Variants in CAST observed in about 807,000 individuals in gnomAD.
CAST encodes the protein MIR583 host.
Under a neutral mutation model 119.6 loss-of-function variants are expected in CAST, and 76 were observed. The observed-to-expected ratio is 0.64, with a 90% CI of 0.53 to 0.77. The LOEUF is 0.77. CAST is among the 30% of genes least tolerant of loss of function. The pLI, the probability that CAST is intolerant of heterozygous loss-of-function variation, is 0.00. For missense variants in CAST, 953 were observed against 946.5 expected (o/e 1.01, Z -0.09); for synonymous variants, 319 against 331.6 (o/e 0.96, Z 0.41).
chr5:96,566,421 T>C (rs1004242845), intron 1 of CAST, among the ~76,000 whole-genome samples: 2 of 152,240 alleles, frequency 1.3e-5, no homozygotes, highest in Non-Finnish European at 1.5e-5. Flanking sequence ...AAGGTGATGC[T>C]AATCTATCAC....
intron 24 of CAST, among the ~76,000 whole-genome samples, chr5:96,757,969 A>G (rs930856798): frequency 2.0e-4 from 31 of 152,238 alleles, no homozygotes; most frequent in Admixed American, 7.2e-4. Flanking sequence ...GATTACAGGC[A>G]TGAGCCACCG....
the CAST span, among the ~76,000 whole-genome samples, chr5:96,193,376 T>C: frequency 2.6e-3 from 390 of 152,258 alleles, 2 homozygotes; most frequent in African/African-American, 8.5e-3. Context: ...GATGAGAATA[T>C]AGGTAGGTGA....
chr5:96,774,092 A>C lies in CAST; in HGVS notation c.*1476A>C, dbSNP rs1773416598. The C allele has an allele frequency of 6.5e-6, 1 of 152,920 alleles. No homozygotes were observed. Among genetic ancestry groups the C allele is most frequent in the East Asian group, 1.9e-4 (1 of 5,342 alleles). 9.5% of individuals were successfully genotyped at this position (152,920 alleles called of 1,614,324 possible). On this transcript the variant is annotated 3_prime_UTR_variant, in exon 32 of 32. Coordinates refer to ENST00000675179, the MANE Select transcript of CAST (RefSeq NM_001750.7). ...TAAGGCAGCAACAAGAAAAGAAAAA[A>C]CACTTTTCCTGAGGGATTTCTAACC...
chr5:96,157,159 T>C, the CAST span, among the ~76,000 whole-genome samples: 1 of 152,218 alleles, frequency 6.6e-6, no homozygotes, highest in African/African-American at 2.4e-5. Flanking sequence ...GTATTCCCTG[T>C]TTTTAATACA....
At chr5:96,507,167 A>G in the CAST span, among the ~76,000 whole-genome samples, 1 of 152,114 alleles carries the variant, frequency 6.6e-6, no homozygotes, top group Non-Finnish European at 1.5e-5. Context: ...CGGAAGGGAA[A>G]TCCAAGCTGA....
intron 1 of CAST, among the ~76,000 whole-genome samples, chr5:96,643,859 G>A (rs886129312): frequency 1.3e-5 from 2 of 151,896 alleles, no homozygotes; most frequent in Non-Finnish European, 2.9e-5. Context: ...GCAACTGAGC[G>A]AGACTTCATC....
At chr5:96,025,762 T>A in the CAST span, among the ~76,000 whole-genome samples, 1 of 152,224 alleles carries the variant, frequency 6.6e-6, no homozygotes, top group Non-Finnish European at 1.5e-5. Context: ...GGCTTTTCTT[T>A]GTGAAGTTAC....
the CAST span, among the ~76,000 whole-genome samples, chr5:95,994,047 T>C: frequency 6.6e-6 from 1 of 152,150 alleles, no homozygotes; most frequent in Non-Finnish European, 1.5e-5. Flanking sequence ...GTGGGGCAAC[T>C]GGAACTTCCT....
the CAST span, among the ~76,000 whole-genome samples, chr5:96,161,899 A>G: frequency 6.6e-6 from 1 of 151,882 alleles, no homozygotes; most frequent in African/African-American, 2.4e-5. Flanking sequence ...TGTTTTCTTA[A>G]TTTTATTTTT....
At chr5:96,125,816 TC>T in the CAST span, among the ~76,000 whole-genome samples, 140 of 152,250 alleles carry the variant, frequency 9.2e-4, no homozygotes, top group African/African-American at 3.2e-3. Flanking sequence ...CCCACAGACT[TC>T]CCCTCTCTTC....
chr5:95,988,444 A>C, the CAST span, among the ~76,000 whole-genome samples: 1 of 152,150 alleles, frequency 6.6e-6, no homozygotes, highest in Non-Finnish European at 1.5e-5. Context: ...GGCAATGATA[A>C]GGGAAGTCCC....
chr5:96,192,349 T>A, the CAST span, among the ~76,000 whole-genome samples: 5 of 152,350 alleles, frequency 3.3e-5, no homozygotes, highest in East Asian at 5.8e-4. Flanking sequence ...CATGGAAAGA[T>A]TAATGCATTA....
intron 1 of CAST, among the ~76,000 whole-genome samples, chr5:96,530,161 A>G (rs995361763): frequency 6.6e-5 from 10 of 151,916 alleles, no homozygotes; most frequent in African/African-American, 2.2e-4. Flanking sequence ...CAAGAGACAG[A>G]CTAACGTGGG....
rs1412462607 is a variant in CAST at position 96,740,747 on chromosome 5, A to G, written c.882A>G (p.Lys294=). Reference sequence around the variant, plus strand: ...CATCAAATTAATATTTGTTTCAGAAAAAGGAAGGGATCACAGGGCCTCCTG... The same window carrying G: ...CATCAAATTAATATTTGTTTCAGAAGAAGGAAGGGATCACAGGGCCTCCTG... ...IPPKYRELLA[K]KEGITGPPAD... is the part of the protein sequence containing the mutation. The change falls in exon 13 of 32, where the codon AAA becomes AAG. Residue 294 remains lysine (K), a splice_region_variant and synonymous_variant. Coordinates refer to ENST00000675179, the MANE Select transcript of CAST (RefSeq NM_001750.7). 1.3e-6 allele frequency: 2 copies of G among 1,598,446 alleles called. No individual in the cohort carries two copies. Among genetic ancestry groups the G allele is most frequent in the South Asian group, 1.1e-5 (1 of 90,768 alleles).
the CAST span, among the ~76,000 whole-genome samples, chr5:96,179,654 AAGC>A: frequency 4.6e-5 from 7 of 152,232 alleles, no homozygotes; most frequent in Non-Finnish European, 1.0e-4. Context: ...GAATAGGACA[AAGC>A]AGAGAGGGGT....
At chr5:96,769,402 T>A (rs1378393734) in intron 29 of CAST, 1 of 151,946 alleles carries the variant, frequency 6.6e-6, no homozygotes, top group Admixed American at 6.6e-5. Flanking sequence ...TTTTGTTTTT[T>A]TTTTTTTGCC....
chr5:96,206,881 T>G, the CAST span, among the ~76,000 whole-genome samples: 40 of 152,290 alleles, frequency 2.6e-4, no homozygotes, highest in African/African-American at 8.7e-4. Flanking sequence ...ATTGAATCTG[T>G]AAATTGCTGT....
chr5:96,087,064 T>C, the CAST span, among the ~76,000 whole-genome samples: 18 of 152,328 alleles, frequency 1.2e-4, no homozygotes, highest in Non-Finnish European at 4.4e-5. Flanking sequence ...GGATAGATCC[T>C]AGGTTACCCA....
At chr5:96,736,056 G>A (rs1256306149) in intron 9 of CAST, 116 bp from the exon 10 acceptor site, 10 of 632,764 alleles carry the variant, frequency 1.6e-5, no homozygotes, top group East Asian at 2.8e-5. Flanking sequence ...GCTGTAGAGC[G>A]GATGTTCAGT....
Sources: allele counts gnomAD v4.1 joint callset (sites outside exome capture counted in the v4.1 genomes callset), GRCh38; gene constraint gnomAD v4.1.1; transcripts MANE v1.5; gene names NCBI Gene and HGNC (gene_info 2026-07-23, HGNC 2026-07-21).